The following PGM2 variants were observed in gnomAD, a reference collection of about 807,000 sequenced individuals.
The protein encoded by PGM2 is phosphopentomutase.
Under a neutral mutation model 74.6 loss-of-function variants are expected in PGM2, and 57 were observed. That is an observed-to-expected ratio of 0.76 (90% CI 0.62 to 0.95). The LOEUF (loss-of-function observed/expected upper bound fraction) is 0.95, where lower values mean the gene tolerates loss of function less well. PGM2 is among the 40% of genes least tolerant of loss of function. The pLI is 0.00. For synonymous variants in PGM2, 273 were observed against 260.7 expected (o/e 1.05, Z -0.46); for missense variants, 706 against 741.9 (o/e 0.95, Z 0.56).
rs376082425 is a variant in PGM2 at position 37,834,687 on chromosome 4, G to A, written c.319G>A (p.Ala107Thr). 6.3e-6 allele frequency: 10 copies of A among 1,594,106 alleles called. No individual in the cohort carries two copies. Among genetic ancestry groups the A allele is most frequent in the African/African-American group, 1.3e-5 (1 of 74,118 alleles). The change falls in exon 3 of 14, where the codon GCC (alanine) becomes ACC (threonine). Residue 107 changes from alanine (A) to threonine (T), a missense_variant. Coordinates refer to ENST00000381967, the MANE Select transcript of PGM2 (RefSeq NM_018290.4). The stretch of plus-strand genomic sequence containing the variant: ...GAAAGGCATCGTGATCAGTTTTGAC[G>A]CCCGAGCTCATCCATCCAGTGGGGG... ...KQKGIVISFD[A>T]RAHPSSGGSS...
At chr4:37,831,299 A>G (rs1387242768) in intron 2 of PGM2, among the ~76,000 whole-genome samples, 1 of 152,070 alleles carries the variant, frequency 6.6e-6, no homozygotes, top group Non-Finnish European at 1.5e-5. Flanking sequence ...AGAATGGGGT[A>G]AGTATGGGAA....
intron 1 of PGM2, among the ~76,000 whole-genome samples, chr4:37,827,146 T>G (rs943325672): frequency 2.6e-4 from 40 of 152,352 alleles, no homozygotes; most frequent in African/African-American, 9.1e-4. Flanking sequence ...CACGCCTTAC[T>G]GTCACTCAGA....
At chr4:37,828,784 A>G (rs541141841) in intron 1 of PGM2, among the ~76,000 whole-genome samples, 1 of 152,296 alleles carries the variant, frequency 6.6e-6, no homozygotes, top group East Asian at 1.9e-4. Context: ...CACTCCACTA[A>G]TATTTATTGA....
In PGM2 at chr4:37,829,991, C is replaced by A; in HGVS notation, c.109C>A (p.Arg37=). ...KNSLTLEAVK[R]LIAEGNKEEL... ...TTCCTTAACTTTGGAGGCAGTGAAA[C>A]GACTAATAGCAGAAGGTAATAAAGA... The change falls in exon 2 of 14, where the codon CGA becomes AGA. Residue 37 remains arginine, a synonymous_variant. Coordinates refer to ENST00000381967, the MANE Select transcript of PGM2 (RefSeq NM_018290.4). 1.2e-6 allele frequency: 2 copies of A among 1,602,792 alleles called. No individual in the cohort carries two copies. Among genetic ancestry groups the A allele is most frequent in the African/African-American group, 1.3e-5 (1 of 74,574 alleles).
chr4:37,827,768 G>A (rs919717741), intron 1 of PGM2, among the ~76,000 whole-genome samples: 4 of 152,078 alleles, frequency 2.6e-5, no homozygotes, highest in African/African-American at 9.7e-5. Flanking sequence ...CCGACTTCAG[G>A]GGCGAGAGAC....
At chr4:37,834,046 G>T (rs150171585) in intron 2 of PGM2, among the ~76,000 whole-genome samples, 1 of 152,102 alleles carries the variant, frequency 6.6e-6, no homozygotes, top group Non-Finnish European at 1.5e-5. Flanking sequence ...TATAAAATGG[G>T]TTTTCTGGTC....
intron 3 of PGM2, among the ~76,000 whole-genome samples, chr4:37,836,859 A>ATGGGTGTG (rs1725579734): frequency 1.7e-5 from 1 of 60,218 alleles, no homozygotes; most frequent in African/African-American, 9.7e-5. Context: ...ATATATGTGT[A>ATGGGTGTG]TGGGTGTGTG....
At chr4:37,844,666 G>C in intron 7 of PGM2, 113 bp downstream of exon 7, 2 of 707,554 alleles carry the variant, frequency 2.8e-6, no homozygotes, top group Non-Finnish European at 4.7e-6. Flanking sequence ...ACTAATTTCA[G>C]CATGGAAATA....
intron 3 of PGM2, 86 bp downstream of exon 3, chr4:37,834,810 T>C (rs1459281727): frequency 1.5e-6 from 1 of 667,242 alleles, no homozygotes; most frequent in African/African-American, 1.9e-5. Flanking sequence ...TTGACTTTAA[T>C]ATATTCATTA....
At chr4:37,856,465 TCTGTGCTGGGTTCTGG>T (rs1726202688) in intron 13 of PGM2, among the ~76,000 whole-genome samples, 1 of 152,116 alleles carries the variant, frequency 6.6e-6, no homozygotes, top group African/African-American at 2.4e-5. Context: ...TGTAGACAGG[TCTGTGCTGGGTTCTGG>T]AGGGGGCACA....
intron 2 of PGM2, among the ~76,000 whole-genome samples, chr4:37,833,053 G>A (rs189068128): frequency 1.3e-5 from 2 of 152,226 alleles, no homozygotes; most frequent in East Asian, 3.9e-4. Flanking sequence ...AGGAAGAGGG[G>A]TACTGTCACT....
intron 6 of PGM2, 138 bp downstream of exon 6, chr4:37,840,397 A>AT (rs749860152): frequency 1.6e-6 from 1 of 608,556 alleles, no homozygotes; most frequent in African/African-American, 1.9e-5. Flanking sequence ...TTATTTACTT[A>AT]TTTTGAGACA....
At chr4:37,844,699 G>T in intron 7 of PGM2, 146 bp downstream of exon 7, 1 of 602,916 alleles carries the variant, frequency 1.7e-6, no homozygotes, top group Non-Finnish European at 2.9e-6. Flanking sequence ...TGGGTGCAGC[G>T]TCTCATGTCT....
intron 6 of PGM2, among the ~76,000 whole-genome samples, chr4:37,841,595 G>A (rs1560415533): frequency 6.6e-6 from 1 of 152,194 alleles, no homozygotes; most frequent in Admixed American, 6.5e-5. Flanking sequence ...CAGATCATCT[G>A]AGTTCTCCTC....
chr4:37,837,585 T>A lies in PGM2; in HGVS notation c.413T>A (p.Phe138Tyr). The part of the protein sequence containing the change: ...FISQGIPVYL[F>Y]SDITPTPFVP... The stretch of plus-strand genomic sequence containing the variant: ...AGTCAGGGGATTCCTGTGTACCTCT[T>A]TTCTGATATAACGCCAACCCCCTTT... Residue 138 changes from phenylalanine to tyrosine, a missense_variant, in exon 4 of 14, where the codon TTT becomes TAT. Around this residue, in one of 3 missense-constraint regions of PGM2, gnomAD observed 332 missense variants for 334.9 expected, o/e 0.99. Coordinates refer to ENST00000381967, the MANE Select transcript of PGM2 (RefSeq NM_018290.4). The A allele has an allele frequency of 6.2e-7, 1 of 1,612,838 alleles. No individual in the cohort carries two copies. Among genetic ancestry groups the A allele is most frequent in the Non-Finnish European group, 8.5e-7 (1 of 1,178,802 alleles).
intron 6 of PGM2, among the ~76,000 whole-genome samples, chr4:37,842,007 A>G (rs1010829540): frequency 6.6e-5 from 10 of 152,226 alleles, no homozygotes; most frequent in African/African-American, 1.2e-4. Flanking sequence ...TATGATACCT[A>G]CATTTCCTCC....
At position 37,844,497 on chromosome 4, in the gene PGM2, G is replaced by C; in HGVS notation, c.853G>C (p.Asp285His). 6.2e-7 allele frequency: 1 copy of C among 1,613,994 alleles called. No homozygotes were observed. The highest frequency in any genetic ancestry group is 1.1e-5 in the South Asian group (1 of 91,072). Residue 285 changes from aspartate (D) to histidine (H), a missense_variant, in exon 7 of 14, where the codon GAT (aspartate) becomes CAT (histidine). By Grantham distance (81) the Asp-to-His change is moderately conservative (BLOSUM62 -1). Around this residue, in one of 3 missense-constraint regions of PGM2, gnomAD observed 15 missense variants for 35.8 expected, o/e 0.42. Coordinates refer to ENST00000381967, the MANE Select transcript of PGM2 (RefSeq NM_018290.4). ...PEAVPEQKDP[D>H]PEFPTVKYPN... ...GGCTGTTCCTGAACAGAAAGATCCG[G>C]ATCCTGAGTTTCCAACAGTGAAATA... is the stretch of plus-strand genomic sequence containing the variant.
intron 2 of PGM2, among the ~76,000 whole-genome samples, chr4:37,831,459 G>C (rs2152174492): frequency 6.6e-6 from 1 of 152,288 alleles, no homozygotes; most frequent in South Asian, 2.1e-4. Flanking sequence ...TGCAATTTTG[G>C]TAGAACTCAG....
chr4:37,829,009 T>G (rs1036417581), intron 1 of PGM2, among the ~76,000 whole-genome samples: 1 of 152,246 alleles, frequency 6.6e-6, no homozygotes, highest in Non-Finnish European at 1.5e-5. Context: ...TTTCAAAGTT[T>G]AATTAAATGG....
Sources: gnomAD v4.1 joint callset for allele counts (sites outside exome capture counted in the v4.1 genomes callset) on GRCh38, gnomAD v4.1.1 for gene constraint, gnomAD v4.1.1 regional missense constraint, MANE v1.5 for transcripts, NCBI Gene and HGNC (gene_info 2026-07-23, HGNC 2026-07-21) for gene names.